The following DUSP16 variants were observed in gnomAD, a reference collection of about 807,000 sequenced individuals.
The protein encoded by DUSP16 is dual specificity phosphatase 16, also known as dual specificity protein phosphatase 16.
In DUSP16, 21 loss-of-function variants were observed where a neutral mutation model predicts 58.3. That is an observed-to-expected ratio of 0.36 (90% CI 0.26 to 0.52). The LOEUF is 0.52. DUSP16 is among the 20% of genes least tolerant of loss of function. DUSP16 has a pLI of 0.94. For synonymous variants in DUSP16, 320 were observed against 323.8 expected (o/e 0.99, Z 0.12); for missense variants, 726 against 819.0 (o/e 0.89, Z 1.39).
At position 12,499,407 on chromosome 12, in the gene DUSP16, C is replaced by T. The variant is rs146610729; in HGVS notation, c.531+1112G>A. ...AAGCATAAGCTATTAAATCTCAAATCGGCAGATCTCACAGTAAAAGCAGAC... is the reference window on the plus strand; with the variant it reads ...AAGCATAAGCTATTAAATCTCAAATTGGCAGATCTCACAGTAAAAGCAGAC... On this transcript the variant is annotated intron_variant, in intron 4 of 6. Coordinates refer to ENST00000298573, the MANE Select transcript of DUSP16 (RefSeq NM_030640.3). Among the ~76,000 whole-genome samples, 47 of 152,298 alleles carry T rather than the reference C, an allele frequency of 3.1e-4. No individual in the cohort carries two copies. The East Asian group carries it at 5.6e-3, about 18-fold the overall frequency.
At chr12:12,493,253 G>A (rs897769781) in intron 4 of DUSP16, among the ~76,000 whole-genome samples, 2 of 151,974 alleles carry the variant, frequency 1.3e-5, no homozygotes, top group South Asian at 2.1e-4. Context: ...CTGCATCTCC[G>A]AGTCTCCTTG....
intron 5 of DUSP16, 71 bp downstream of exon 5, chr12:12,486,954 TGGG>T: frequency 6.5e-7 from 1 of 1,544,956 alleles, no homozygotes; most frequent in African/African-American, 1.4e-5. Context: ...AAAGAAAAAA[TGGG>T]GGGCTGAGGG....
chr12:12,558,249 C>A (rs1944839836), intron 1 of DUSP16, among the ~76,000 whole-genome samples: 1 of 152,202 alleles, frequency 6.6e-6, no homozygotes, highest in South Asian at 2.1e-4. Context: ...ATGTATCCCT[C>A]CCTTTCAAAT....
intron 1 of DUSP16, among the ~76,000 whole-genome samples, chr12:12,540,919 C>T (rs1009174850): frequency 6.7e-6 from 1 of 148,842 alleles, no homozygotes; most frequent in African/African-American, 2.5e-5. Flanking sequence ...AGGAGGCAGA[C>T]AGTTGCTTTT....
At chr12:12,529,442 T>A (rs1042354702) in intron 1 of DUSP16, among the ~76,000 whole-genome samples, 1 of 152,174 alleles carries the variant, frequency 6.6e-6, no homozygotes, top group Non-Finnish European at 1.5e-5. Context: ...AAACTGTATG[T>A]ATTTATCATG....
intron 3 of DUSP16, among the ~76,000 whole-genome samples, chr12:12,505,767 G>C (rs887897195): frequency 5.3e-5 from 8 of 152,152 alleles, no homozygotes; most frequent in African/African-American, 1.9e-4. Context: ...CCATTGTTCA[G>C]CTTCAAAACA....
chr12:12,542,610 C>T lies in DUSP16; in HGVS notation c.-366+19507G>A, dbSNP rs1166549811. ...CCACTGCATTGCACACCTTCAAAGA[C>T]GAATTTTACGACTGAAATTATATCT... is the stretch of plus-strand genomic sequence containing the variant. On this transcript the variant is annotated intron_variant, in intron 1 of 6. Transcript: ENST00000298573. 6.8e-5 allele frequency among the ~76,000 whole-genome samples: 9 copies of T among 133,302 alleles called. No individual in the cohort carries two copies. In the South Asian group the frequency reaches 1.1e-3, roughly 16 times the overall value. 87.5% of individuals were successfully genotyped at this position (133,302 alleles called of 152,430 possible).
chr12:12,561,803 G>A (rs1357585308), intron 1 of DUSP16, among the ~76,000 whole-genome samples: 1 of 151,512 alleles, frequency 6.6e-6, no homozygotes, highest in East Asian at 1.9e-4. Flanking sequence ...CAAGCGCCGC[G>A]CAGCGGCCGG....
intron 3 of DUSP16, 115 bp downstream of exon 3, chr12:12,519,747 A>G: frequency 3.8e-6 from 4 of 1,042,214 alleles, no homozygotes; most frequent in Non-Finnish European, 5.6e-6. Context: ...CTATAAATAA[A>G]TCATTTTACA....
chr12:12,543,614 A>G (rs1044939868), intron 1 of DUSP16, among the ~76,000 whole-genome samples: 1 of 152,182 alleles, frequency 6.6e-6, no homozygotes, highest in African/African-American at 2.4e-5. Context: ...TTCAAAGTTA[A>G]TGAGTGATAA....
intron 1 of DUSP16, among the ~76,000 whole-genome samples, chr12:12,525,469 T>C (rs1353527759): frequency 1.3e-5 from 2 of 151,592 alleles, no homozygotes; most frequent in African/African-American, 4.9e-5. Flanking sequence ...GGTTTCTCCA[T>C]GTCAGGCTGG....
chr12:12,521,400 A>C lies in DUSP16; in HGVS notation c.-302T>G, dbSNP rs140396576. 2,328 of 1,263,862 alleles carry C rather than the reference A, an allele frequency of 1.8e-3. 6 individuals carry two copies. Among genetic ancestry groups the C allele is most frequent in the East Asian group, 6.7e-3 (173 of 25,700 alleles). The allele number at this position is 1,263,862 out of a possible 1,614,324, so 78.3% of individuals were successfully genotyped here. A position where few individuals can be genotyped will look rare whatever the true frequency, so the allele number is the denominator to read the frequency against. Reference sequence around the variant, plus strand: ...CAACAAAAGATGCTTTGGAGCAGCCAGCGCATTACATCATTCTTTACCTTT... The same window carrying C: ...CAACAAAAGATGCTTTGGAGCAGCCCGCGCATTACATCATTCTTTACCTTT... On this transcript the variant is annotated 5_prime_UTR_variant, in exon 2 of 7. Transcript: ENST00000298573.
Position 12,480,343 on chromosome 12 carries a change from T to C in DUSP16, c.695A>G (p.Lys232Arg), listed in dbSNP as rs775301924. ...WLDKSVDFIE[K>R]AKASNGCVLV... is the part of the protein sequence containing the mutation. Reference sequence around the variant, plus strand: ...AACACATCCATTGGAGGCTTTTGCTTTCTCTGTATAAGTCAAATGCAAGAA... The same window carrying C: ...AACACATCCATTGGAGGCTTTTGCTCTCTCTGTATAAGTCAAATGCAAGAA... Residue 232 changes from lysine (K) to arginine (R), a missense_variant, in exon 6 of 7, where the codon AAA becomes AGA. By Grantham distance (26) the Lys-to-Arg change is conservative. Coordinates refer to ENST00000298573, the MANE Select transcript of DUSP16 (RefSeq NM_030640.3). 1.2e-6 allele frequency: 2 copies of C among 1,613,400 alleles called. No individual in the cohort carries two copies. The highest frequency in any genetic ancestry group is 1.7e-6 in the Non-Finnish European group (2 of 1,179,796).
At chr12:12,516,645 A>AT (rs1292764306) in intron 3 of DUSP16, among the ~76,000 whole-genome samples, 1 of 152,192 alleles carries the variant, frequency 6.6e-6, no homozygotes, top group African/African-American at 2.4e-5. Context: ...CATATTAGAT[A>AT]TTTTCCCATC....
At chr12:12,526,393 T>C (rs1566026271) in intron 1 of DUSP16, among the ~76,000 whole-genome samples, 1 of 152,236 alleles carries the variant, frequency 6.6e-6, no homozygotes, top group Non-Finnish European at 1.5e-5. Flanking sequence ...TGGAGTTTTA[T>C]TTCTTGAAAT....
rs765234439 is a variant in DUSP16 at position 12,477,608 on chromosome 12, G to A, written c.1223C>T (p.Ser408Leu). 1.9e-6 allele frequency: 3 copies of A among 1,614,246 alleles called. No homozygotes were observed. Among genetic ancestry groups the A allele is most frequent in the Admixed American group, 1.7e-5 (1 of 60,028 alleles). ...GGATGCTGCCATGCTGGCTGAATATGAAACTGATTTGATATCCAGAGAGAA... is the reference window on the plus strand; with the variant it reads ...GGATGCTGCCATGCTGGCTGAATATAAAACTGATTTGATATCCAGAGAGAA... Reference protein sequence around the residue: ...RSFSLDIKSVSYSASMAASLH... With the variant: ...RSFSLDIKSVLYSASMAASLH... The change falls in exon 7 of 7, where the codon TCA (serine) becomes TTA (leucine). Residue 408 changes from serine to leucine, a missense_variant. Transcript: ENST00000298573. The surrounding 1 kb of genome is among the most constrained non-coding windows in gnomAD (Gnocchi z 4.1).
At chr12:12,486,494 G>GTGTGTGTA (rs1943686179) in intron 5 of DUSP16, among the ~76,000 whole-genome samples, 1 of 133,302 alleles carries the variant, frequency 7.5e-6, no homozygotes, top group Admixed American at 7.3e-5. Context: ...GTGTGTGTGT[G>GTGTGTGTA]TGTGTGTGTG....
At chr12:12,507,981 A>C (rs1300756635) in intron 3 of DUSP16, among the ~76,000 whole-genome samples, 1 of 152,244 alleles carries the variant, frequency 6.6e-6, no homozygotes, top group Non-Finnish European at 1.5e-5. Context: ...TAACATAAAC[A>C]CAATCCTTTC....
At chr12:12,483,204 A>G (rs1490747546) in intron 5 of DUSP16, among the ~76,000 whole-genome samples, 1 of 152,200 alleles carries the variant, frequency 6.6e-6, no homozygotes, top group African/African-American at 2.4e-5. Flanking sequence ...AGAAGTTACA[A>G]AAGCTAAAAA....
Sources: gnomAD v4.1 joint callset for allele counts (sites outside exome capture counted in the v4.1 genomes callset) on GRCh38, gnomAD v4.1.1 for gene constraint, Gnocchi (gnomAD v3.1) non-coding constraint, MANE v1.5 for transcripts, NCBI Gene and HGNC (gene_info 2026-07-23, HGNC 2026-07-21) for gene names.